FNBP1L: variants seen among roughly 807,000 people sequenced by gnomAD.
The protein encoded by FNBP1L is formin-binding protein 1-like.
A neutral mutation model predicts 91.2 loss-of-function variants in FNBP1L; 36 were observed. That is an observed-to-expected ratio of 0.39 (90% CI 0.30 to 0.52). The LOEUF is 0.52. Among genes scored for constraint, FNBP1L ranks in the 20% least tolerant of loss-of-function variants. The probability of loss-of-function intolerance (pLI) is 0.66; values close to 1 mark genes in which losing one functional copy is unlikely to be tolerated. For synonymous variants in FNBP1L, 242 were observed against 237.0 expected, an observed-to-expected ratio of 1.02 and a Z score of -0.19; for missense variants, 571 against 732.1, an observed-to-expected ratio of 0.78 and a Z score of 2.54.
chr1:93,476,747 CTTAAACAGGA>C (rs915897447), intron 1 of FNBP1L, among the ~76,000 whole-genome samples: 10 of 152,082 alleles, frequency 6.6e-5, no homozygotes, highest in African/African-American at 2.4e-4. Context: ...TGCAAATACT[CTTAAACAGGA>C]GGGTGTCTTT....
chr1:93,520,547 C>A (rs1671287555), intron 2 of FNBP1L, among the ~76,000 whole-genome samples: 1 of 152,192 alleles, frequency 6.6e-6, no homozygotes, highest in Non-Finnish European at 1.5e-5. Context: ...TTCCCAACTT[C>A]TGTACTTATC....
intron 4 of FNBP1L, 23 bp downstream of exon 4, chr1:93,523,514 A>G (rs1427466165): frequency 1.3e-6 from 2 of 1,586,180 alleles, no homozygotes; most frequent in Non-Finnish European, 1.7e-6. Context: ...ATTTTCATCC[A>G]ATTGCAATAG....
At chr1:93,461,991 C>T (rs1231809711) in intron 1 of FNBP1L, among the ~76,000 whole-genome samples, 1 of 152,170 alleles carries the variant, frequency 6.6e-6, no homozygotes, top group Non-Finnish European at 1.5e-5. Context: ...CACATCATGC[C>T]ATGCTGACAT....
chr1:93,492,585 C>T (rs1282658263), intron 1 of FNBP1L, among the ~76,000 whole-genome samples: 3 of 152,116 alleles, frequency 2.0e-5, no homozygotes, highest in Admixed American at 6.6e-5. Flanking sequence ...TGGTGGCTCA[C>T]GCCTATAGTC....
Position 93,523,355 on chromosome 1 carries a change from G to C in FNBP1L, c.206G>C (p.Cys69Ser). 6.2e-7 allele frequency: 1 copy of C among 1,603,398 alleles called. No homozygotes were observed. The highest frequency in any genetic ancestry group is 8.5e-7 in the Non-Finnish European group (1 of 1,175,242). The change falls in exon 4 of 17, where the codon TGT (cysteine) becomes TCT (serine). Residue 69 changes from cysteine to serine, a missense_variant. Coordinates refer to ENST00000271234, the MANE Select transcript of FNBP1L (RefSeq NM_001164473.3). The stretch of plus-strand genomic sequence containing the variant: ...AATGTTTTTGCCAGGTTTACCTCGT[G>C]TGTAGCCTTTTTTAATATCCTTAAT... ...SKDEEPRFTSCVAFFNILNEL... is the reference protein window; with the variant it reads ...SKDEEPRFTSSVAFFNILNEL...
chr1:93,516,192 GA>G (rs373718372), intron 2 of FNBP1L, among the ~76,000 whole-genome samples: 138 of 149,370 alleles, frequency 9.2e-4, no homozygotes, highest in South Asian at 6.0e-3. Context: ...TGTCAAGGGG[GA>G]AAAAAAAAAG....
At chr1:93,464,310 A>C (rs1415833164) in intron 1 of FNBP1L, among the ~76,000 whole-genome samples, 2 of 152,174 alleles carry the variant, frequency 1.3e-5, no homozygotes, top group Non-Finnish European at 2.9e-5. Context: ...AATTGTAAAG[A>C]TATGTACAAT....
chr1:93,483,163 C>G (rs1020787742), intron 1 of FNBP1L, among the ~76,000 whole-genome samples: 1 of 139,286 alleles, frequency 7.2e-6, no homozygotes, highest in Non-Finnish European at 1.5e-5. Context: ...GCACTCTGGC[C>G]TAGGCAACAG....
intron 1 of FNBP1L, 115 bp downstream of exon 1, chr1:93,448,420 C>A: frequency 8.5e-7 from 1 of 1,179,874 alleles, no homozygotes; most frequent in Admixed American, 3.7e-5. Context: ...CGGTCCGGCG[C>A]TGGCGGAGGG....
intron 2 of FNBP1L, among the ~76,000 whole-genome samples, chr1:93,521,386 G>C (rs768355364): frequency 6.6e-6 from 1 of 151,922 alleles, no homozygotes; most frequent in Non-Finnish European, 1.5e-5. Context: ...TAGTATTAAA[G>C]TCCTCAATTT....
chr1:93,492,309 A>T (rs1421848297), intron 1 of FNBP1L, among the ~76,000 whole-genome samples: 1 of 152,212 alleles, frequency 6.6e-6, no homozygotes, highest in Non-Finnish European at 1.5e-5. Flanking sequence ...AAAAGCCAGT[A>T]AAACCATATT....
chr1:93,498,010 C>A lies in FNBP1L; in HGVS notation c.25-1458C>A, dbSNP rs147083309. 3.4e-3 allele frequency among the ~76,000 whole-genome samples: 516 copies of A among 151,168 alleles called. 1 individual carries two copies. Among genetic ancestry groups the A allele is most frequent in the African/African-American group, 0.011 (459 of 41,380 alleles). On this transcript the variant is annotated intron_variant, in intron 1 of 16. Coordinates refer to ENST00000271234, the MANE Select transcript of FNBP1L (RefSeq NM_001164473.3). ...TTAAAAATAATGTTCATTTCATTTTCATCTCTTTTTAAAATTTCTATTGTG... is the reference window on the plus strand; with the variant it reads ...TTAAAAATAATGTTCATTTCATTTTAATCTCTTTTTAAAATTTCTATTGTG...
At chr1:93,535,296 A>G (rs745714201) in intron 9 of FNBP1L, among the ~76,000 whole-genome samples, 10 of 152,104 alleles carry the variant, frequency 6.6e-5, no homozygotes, top group Non-Finnish European at 1.3e-4. Context: ...GGTTTTATAG[A>G]TCCTACTACT....
intron 1 of FNBP1L, 52 bp downstream of exon 1, chr1:93,448,357 G>C (rs1668340984): frequency 2.7e-6 from 4 of 1,464,568 alleles, no homozygotes; most frequent in Admixed American, 3.0e-5. Context: ...TGAGAAGCGC[G>C]GGTTGGGCGG....
intron 1 of FNBP1L, among the ~76,000 whole-genome samples, chr1:93,479,374 T>C (rs1570784043): frequency 6.6e-6 from 1 of 152,186 alleles, no homozygotes. Flanking sequence ...GATGAGGGTG[T>C]GTGTTCAGCT....
chr1:93,552,916 C>T lies in FNBP1L; in HGVS notation c.*500C>T, dbSNP rs576397216. On this transcript the variant is annotated 3_prime_UTR_variant, in exon 17 of 17. Coordinates refer to ENST00000271234, the MANE Select transcript of FNBP1L (RefSeq NM_001164473.3). The stretch of plus-strand genomic sequence containing the variant: ...ATTTTTCAGGCATGTCTTTAGATTC[C>T]CTTGTTCTTGTCAAAGCCTTGTTTT... 2 of 153,092 alleles carry T rather than the reference C, an allele frequency of 1.3e-5. No individual in the cohort carries two copies. Among genetic ancestry groups the T allele is most frequent in the African/African-American group, 4.8e-5 (2 of 41,588 alleles). The allele number at this position is 153,092 out of a possible 1,614,324, so 9.5% of individuals were successfully genotyped here. A position where few individuals can be genotyped will look rare whatever the true frequency, so the allele number is the denominator to read the frequency against.
intron 1 of FNBP1L, among the ~76,000 whole-genome samples, chr1:93,454,523 C>T (rs987271211): frequency 2.0e-5 from 3 of 152,078 alleles, no homozygotes; most frequent in Non-Finnish European, 4.4e-5. Flanking sequence ...TTTATTTTAG[C>T]GCCGCTGCAA....
intron 1 of FNBP1L, among the ~76,000 whole-genome samples, chr1:93,456,033 T>C (rs1184052502): frequency 6.6e-6 from 1 of 152,216 alleles, no homozygotes; most frequent in African/African-American, 2.4e-5. Flanking sequence ...TTTGGGAGGT[T>C]GAGGCAGGAA....
intron 1 of FNBP1L, among the ~76,000 whole-genome samples, chr1:93,467,963 A>G (rs902004567): frequency 6.6e-6 from 1 of 152,204 alleles, no homozygotes; most frequent in Admixed American, 6.5e-5. Flanking sequence ...TTACCACAAT[A>G]AAAAATTGCT....
Sources: allele counts gnomAD v4.1 joint callset (sites outside exome capture counted in the v4.1 genomes callset), GRCh38; gene constraint gnomAD v4.1.1; transcripts MANE v1.5; gene names NCBI Gene and HGNC (gene_info 2026-07-23, HGNC 2026-07-21).